ARHGAP8: variants seen among roughly 807,000 people sequenced by gnomAD.
ARHGAP8 encodes the protein rho GTPase-activating protein 8.
Under a neutral mutation model 46.1 loss-of-function variants are expected in ARHGAP8, and 62 were observed. The observed-to-expected ratio is 1.34, with a 90% CI of 1.10 to 1.66. The LOEUF (loss-of-function observed/expected upper bound fraction) is 1.66. Ranked by LOEUF, ARHGAP8 falls within the 40% of genes most tolerant of loss-of-function variation. The pLI is 0.00. For missense variants in ARHGAP8, 923 were observed against 568.4 expected, an observed-to-expected ratio of 1.62 and a Z score of -6.34; for synonymous variants, 375 against 243.1, an observed-to-expected ratio of 1.54 and a Z score of -5.05.
intron 7 of ARHGAP8, among the ~76,000 whole-genome samples, chr22:44,831,320 C>G (rs948405581): frequency 6.6e-6 from 1 of 152,108 alleles, no homozygotes; most frequent in South Asian, 2.1e-4. Context: ...GTCTTTGATA[C>G]ATTTTGAGTA....
rs565888098 is a variant in ARHGAP8 at position 44,859,798 on chromosome 22, C to A, written c.945C>A (p.Tyr315Ter). 1 of 1,614,022 alleles carries A rather than the reference C, an allele frequency of 6.2e-7. No individual in the cohort carries two copies. The highest frequency in any genetic ancestry group is 8.5e-7 in the Non-Finnish European group (1 of 1,180,002). ...QILRSLPEHN[Y>*]VVLRYLMGFL... ...TACGGAGCCTCCCAGAGCACAACTA[C>A]GTCGTCCTCCGCTACCTCATGGGCT... Residue 315 changes from tyrosine (Y) to a stop codon, truncating the protein, a stop_gained, in exon 11 of 12, where the codon TAC becomes TAA. Transcript: ENST00000356099. LOFTEE classifies it low-confidence loss of function (END_TRUNC).
At chr22:44,755,809 G>C (rs1033602266) in intron 1 of ARHGAP8, among the ~76,000 whole-genome samples, 1 of 152,170 alleles carries the variant, frequency 6.6e-6, no homozygotes, top group African/African-American at 2.4e-5. Flanking sequence ...TCAGGGCTCA[G>C]GAGAGGCAGG....
At chr22:44,792,996 G>A (rs376495761) in intron 2 of ARHGAP8, among the ~76,000 whole-genome samples, 9 of 151,902 alleles carry the variant, frequency 5.9e-5, no homozygotes, top group African/African-American at 2.2e-4. Flanking sequence ...GCTAATTTTT[G>A]TATTTTTAGT....
chr22:44,862,640 C>G lies in ARHGAP8; in HGVS notation c.*45C>G, dbSNP rs368015663. On this transcript the variant is annotated 3_prime_UTR_variant, in exon 12 of 12. Coordinates refer to ENST00000356099, the MANE Select transcript of ARHGAP8 (RefSeq NM_181335.3). The stretch of plus-strand genomic sequence containing the variant: ...ATTTCGAGCTACCTCCCACACCTGT[C>G]TGTGCACTTGTATGTTTTGTAAACT... The G allele has an allele frequency of 7.9e-6, 12 of 1,513,456 alleles. No homozygotes were observed. Among genetic ancestry groups the G allele is most frequent in the African/African-American group, 2.8e-5 (2 of 71,902 alleles). The allele number at this position is 1,513,456 out of a possible 1,614,324, so 93.8% of individuals were successfully genotyped here.
At chr22:44,860,550 C>CAGCTT (rs1555924050) in intron 11 of ARHGAP8, among the ~76,000 whole-genome samples, 4 of 151,624 alleles carry the variant, frequency 2.6e-5, no homozygotes, top group Non-Finnish European at 5.9e-5. Context: ...TTGAGATCCT[C>CAGCTT]AACGACAGCT....
chr22:44,855,825 G>T (rs1023192170), intron 10 of ARHGAP8, among the ~76,000 whole-genome samples: 3 of 152,150 alleles, frequency 2.0e-5, no homozygotes, highest in African/African-American at 7.2e-5. Context: ...CCGAGTCTGT[G>T]TTGCTATGAA....
At chr22:44,808,681 C>A in intron 4 of ARHGAP8, 1 of 705,782 alleles carries the variant, frequency 1.4e-6, no homozygotes, top group Non-Finnish European at 2.4e-6. Context: ...GAGACGGTCT[C>A]ACCCAGCCAC....
In ARHGAP8 at chr22:44,778,153, A is replaced by G. The variant is rs193053127; in HGVS notation, c.-71-8304A>G. On this transcript the variant is annotated intron_variant, in intron 1 of 11. Transcript: ENST00000356099. Reference sequence around the variant, plus strand: ...ACCTGAGCAGTATACATTGCATTCAATGTGTAGTCTTTTATCCCTCACCCC... The same window carrying G: ...ACCTGAGCAGTATACATTGCATTCAGTGTGTAGTCTTTTATCCCTCACCCC... Among the ~76,000 whole-genome samples, 12 of 152,034 alleles carry G rather than the reference A, an allele frequency of 7.9e-5. No individual in the cohort carries two copies. The East Asian group carries it at 1.9e-3, about 24-fold the overall frequency.
intron 7 of ARHGAP8, among the ~76,000 whole-genome samples, chr22:44,835,966 G>C (rs972137965): frequency 2.0e-5 from 3 of 152,162 alleles, no homozygotes; most frequent in African/African-American, 7.2e-5. Flanking sequence ...CCTCCAGGGT[G>C]GGACACTGGC....
Position 44,862,771 on chromosome 22 carries a change from C to T in ARHGAP8, c.*176C>T, listed in dbSNP as rs1199724907. On this transcript the variant is annotated 3_prime_UTR_variant, in exon 12 of 12. Transcript: ENST00000356099. ...TTGTCCATGGTTCCTGAGCTGTGGA[C>T]CGGGATAGAATAATGCATTTGTTAG... 36 of 751,466 alleles carry T rather than the reference C, an allele frequency of 4.8e-5. No individual in the cohort carries two copies. The Admixed American group carries it at 9.9e-4, about 21-fold the overall frequency. 46.5% of individuals were successfully genotyped at this position (751,466 alleles called of 1,614,324 possible).
chr22:44,847,914 T>G lies in ARHGAP8; in HGVS notation c.671-59T>G, dbSNP rs1426371351. On this transcript the variant is annotated intron_variant, in intron 8 of 11. Transcript: ENST00000356099. ...CCGTGGGCAGGGGAGTGTCATATAATGTCCTGGAAGCCCTTTGGGCTGGGA... is the reference window on the plus strand; with the variant it reads ...CCGTGGGCAGGGGAGTGTCATATAAGGTCCTGGAAGCCCTTTGGGCTGGGA... 6.3e-6 allele frequency: 10 copies of G among 1,596,340 alleles called. No homozygotes were observed. In the East Asian group the frequency reaches 1.8e-4, roughly 29 times the overall value.
chr22:44,832,308 C>T (rs1306575555), intron 7 of ARHGAP8, among the ~76,000 whole-genome samples: 2 of 149,840 alleles, frequency 1.3e-5, no homozygotes, highest in Admixed American at 6.7e-5. Flanking sequence ...CGCACTACAA[C>T]CTCTGCCTCC....
At chr22:44,812,094 T>G (rs570436441) in intron 4 of ARHGAP8, among the ~76,000 whole-genome samples, 1 of 152,304 alleles carries the variant, frequency 6.6e-6, no homozygotes, top group East Asian at 1.9e-4. Flanking sequence ...TCTCTGCCTT[T>G]GGCTTCTCAT....
At chr22:44,820,169 G>A (rs372188514) in intron 5 of ARHGAP8, among the ~76,000 whole-genome samples, 2 of 152,250 alleles carry the variant, frequency 1.3e-5, no homozygotes, top group Non-Finnish European at 2.9e-5. Flanking sequence ...TCTGCCGCAC[G>A]CCGTGTTGGG....
intron 7 of ARHGAP8, among the ~76,000 whole-genome samples, chr22:44,837,886 C>T (rs1398087921): frequency 6.6e-6 from 1 of 152,182 alleles, no homozygotes; most frequent in East Asian, 1.9e-4. Context: ...CCAGTCCCTC[C>T]TCTTTGGGGA....
At chr22:44,858,551 T>TTTTTTTTTCC (rs397964298) in intron 10 of ARHGAP8, among the ~76,000 whole-genome samples, 2 of 117,912 alleles carry the variant, frequency 1.7e-5, no homozygotes, top group African/African-American at 7.2e-5. Flanking sequence ...TTTTTTTTTT[T>TTTTTTTTTCC]AAGTAACAGG....
intron 4 of ARHGAP8, among the ~76,000 whole-genome samples, chr22:44,810,540 G>A (rs543872751): frequency 5.9e-5 from 9 of 152,274 alleles, no homozygotes; most frequent in Admixed American, 2.0e-4. Flanking sequence ...GTGCCCAGCC[G>A]GCAGGCTTTT....
intron 7 of ARHGAP8, among the ~76,000 whole-genome samples, chr22:44,835,697 C>T (rs1931237612): frequency 6.6e-6 from 1 of 152,186 alleles, no homozygotes; most frequent in African/African-American, 2.4e-5. Flanking sequence ...CCCGTGCTAA[C>T]ACTCCTTCTT....
intron 5 of ARHGAP8, among the ~76,000 whole-genome samples, chr22:44,821,225 A>G (rs368998021): frequency 6.6e-6 from 1 of 152,072 alleles, no homozygotes; most frequent in Non-Finnish European, 1.5e-5. Flanking sequence ...AGGTCAGGAG[A>G]TCGAGACCAT....
Sources: allele counts gnomAD v4.1 joint callset (sites outside exome capture counted in the v4.1 genomes callset), GRCh38; gene constraint gnomAD v4.1.1; transcripts MANE v1.5; gene names NCBI Gene and HGNC (gene_info 2026-07-23, HGNC 2026-07-21).